Variants in MPP4 observed in about 807,000 individuals in gnomAD.
MPP4 encodes MAGUK p55 subfamily member 4.
In MPP4, 91 loss-of-function variants were observed where a neutral mutation model predicts 98.3. That is an observed-to-expected ratio of 0.93 (90% CI 0.78 to 1.10). The LOEUF (loss-of-function observed/expected upper bound fraction) is 1.10. MPP4 is among the 50% of genes least tolerant of loss of function. The probability of loss-of-function intolerance (pLI) is 0.00; values close to 1 mark genes in which losing one functional copy is unlikely to be tolerated. For synonymous variants in MPP4, 261 were observed against 271.8 expected (o/e 0.96, Z 0.39); for missense variants, 744 against 792.9 (o/e 0.94, Z 0.74).
intron 12 of MPP4, 33 bp from the exon 13 acceptor site, chr2:201,666,405 T>C (rs1688175209): frequency 6.7e-7 from 1 of 1,501,452 alleles, no homozygotes; most frequent in Non-Finnish European, 9.0e-7. Flanking sequence ...AGAAACAGAA[T>C]TTAAAATGTG....
chr2:201,649,709 A>T, intron 19 of MPP4, 25 bp from the exon 20 acceptor site: 1 of 1,523,164 alleles, frequency 6.6e-7, no homozygotes, highest in Non-Finnish European at 9.0e-7. Context: ...CAAACAAAAC[A>T]GAACACTTTC....
chr2:201,670,848 A>G (rs1250167579), intron 11 of MPP4, among the ~76,000 whole-genome samples: 1 of 152,186 alleles, frequency 6.6e-6, no homozygotes, highest in African/African-American at 2.4e-5. Context: ...TGCATTTCCA[A>G]CTAAGGTACC....
chr2:201,682,613 G>T (rs879752403), intron 8 of MPP4, among the ~76,000 whole-genome samples: 114 of 152,222 alleles, frequency 7.5e-4, no homozygotes, highest in African/African-American at 2.6e-3. Context: ...TGCTTGGGAC[G>T]GGAAGTTTCC....
At chr2:201,647,665 T>C (rs1687601220) in intron 21 of MPP4, 26 bp downstream of exon 21, 1 of 1,610,278 alleles carries the variant, frequency 6.2e-7, no homozygotes, top group South Asian at 1.1e-5. Flanking sequence ...CTGAAAGCAA[T>C]ACAGTAGTTT....
At chr2:201,679,341 C>A (rs919952683) in intron 10 of MPP4, among the ~76,000 whole-genome samples, 1 of 152,132 alleles carries the variant, frequency 6.6e-6, no homozygotes, top group African/African-American at 2.4e-5. Flanking sequence ...GCCTTTAATG[C>A]TGATCACACT....
In MPP4 at chr2:201,666,569, A is replaced by C. The variant is rs1217930882; in HGVS notation, c.1013-197T>G. 1.1e-5 allele frequency: 5 copies of C among 459,434 alleles called. No individual in the cohort carries two copies. In the Admixed American group the frequency reaches 2.2e-4, roughly 20 times the overall value. 28.5% of individuals were successfully genotyped at this position (459,434 alleles called of 1,614,324 possible). A position where few individuals can be genotyped will look rare whatever the true frequency, so the allele number is the denominator to read the frequency against. On this transcript the variant is annotated intron_variant, in intron 12 of 21. Coordinates refer to ENST00000409474, the MANE Select transcript of MPP4 (RefSeq NM_033066.3). ...AACCATGTCTCTACCAAAAAAAACA[A>C]AAATTAGTCGGGTGTGGTAGCACAT...
At chr2:201,686,314 T>C (rs180769678) in intron 5 of MPP4, among the ~76,000 whole-genome samples, 1 of 152,376 alleles carries the variant, frequency 6.6e-6, no homozygotes, top group East Asian at 1.9e-4. Flanking sequence ...CTTTCATTTC[T>C]GCTAAAATGT....
At position 201,645,093 on chromosome 2, in the gene MPP4, G is replaced by C; in HGVS notation, c.*117C>G. 2.4e-6 allele frequency: 2 copies of C among 847,002 alleles called. No homozygotes were observed. Among genetic ancestry groups the C allele is most frequent in the Admixed American group, 3.8e-5 (1 of 25,990 alleles). The allele number at this position is 847,002 out of a possible 1,614,324, so 52.5% of individuals were successfully genotyped here. Reference sequence around the variant, plus strand: ...TTCAAATAAGATTAATTAATAAATTGCTGCACTTTTAAAGTTGTACACATT... The same window carrying C: ...TTCAAATAAGATTAATTAATAAATTCCTGCACTTTTAAAGTTGTACACATT... On this transcript the variant is annotated 3_prime_UTR_variant, in exon 22 of 22. Transcript: ENST00000409474.
At chr2:201,683,174 T>C (rs1167236756) in intron 7 of MPP4, among the ~76,000 whole-genome samples, 1 of 151,986 alleles carries the variant, frequency 6.6e-6, no homozygotes, top group Non-Finnish European at 1.5e-5. Flanking sequence ...AGTCTGATGT[T>C]GTAAAATGGA....
intron 15 of MPP4, among the ~76,000 whole-genome samples, chr2:201,659,505 T>G (rs1687961937): frequency 6.6e-6 from 1 of 152,216 alleles, no homozygotes; most frequent in Non-Finnish European, 1.5e-5. Flanking sequence ...TTACTTAAGT[T>G]CCTTCTCAAA....
intron 8 of MPP4, 96 bp downstream of exon 8, chr2:201,682,735 C>T (rs1688699967): frequency 9.7e-7 from 1 of 1,034,258 alleles, no homozygotes; most frequent in Admixed American, 1.9e-5. Flanking sequence ...ACTTGAGTCC[C>T]CGGTACATCC....
Position 201,645,286 on chromosome 2 carries a change from G to T in MPP4, c.1838C>A (p.Ser613Tyr). 1 of 1,613,964 alleles carries T rather than the reference G, an allele frequency of 6.2e-7. No homozygotes were observed. Among genetic ancestry groups the T allele is most frequent in the Non-Finnish European group, 8.5e-7 (1 of 1,179,864 alleles). ...CTCCTCCTGAGCCTTCTGTATGGCA[G>T]ACAACAACTGGGCACATGCATCGTG... is the stretch of plus-strand genomic sequence containing the variant. ...SLHDACAQLL[S>Y]AIQKAQEEPQ... Residue 613 changes from serine (S) to tyrosine (Y), a missense_variant, in exon 22 of 22, where the codon TCT (serine) becomes TAT (tyrosine). Coordinates refer to ENST00000409474, the MANE Select transcript of MPP4 (RefSeq NM_033066.3).
rs750059022 is a variant in MPP4 at position 201,687,336 on chromosome 2, A to G, written c.315T>C (p.Pro105=). ...VELLRETPTS[P]EIQELRQMLQ... ...GCATTTGTCTCAGCTCTTGGATCTC[A>G]GGGGAAGTAGGGGTTTCACGTAATA... Residue 105 remains proline, a synonymous_variant, in exon 5 of 22, where the codon CCT becomes CCC. Coordinates refer to ENST00000409474, the MANE Select transcript of MPP4 (RefSeq NM_033066.3). 6.3e-7 allele frequency: 1 copy of G among 1,584,174 alleles called. No homozygotes were observed. The highest frequency in any genetic ancestry group is 1.8e-5 in the Admixed American group (1 of 56,240).
chr2:201,655,565 A>G (rs939775081), intron 17 of MPP4, among the ~76,000 whole-genome samples: 2 of 152,234 alleles, frequency 1.3e-5, no homozygotes, highest in South Asian at 2.1e-4. Context: ...TGTAAGGCAC[A>G]TCGTTCTGCT....
At chr2:201,688,406 C>T (rs916063193) in intron 4 of MPP4, among the ~76,000 whole-genome samples, 1 of 151,960 alleles carries the variant, frequency 6.6e-6, no homozygotes, top group African/African-American at 2.4e-5. Context: ...AAAAATAAAC[C>T]AGGGAAGCTG....
Position 201,675,110 on chromosome 2 carries a change from C to T in MPP4, c.994+97G>A, listed in dbSNP as rs142197563. ...AATAACAACTCCATCTCCCATGTGG[C>T]ATGGCCAGCCTCACATCAATTAGAC... On this transcript the variant is annotated intron_variant, in intron 11 of 21. Transcript: ENST00000409474. 8.0e-4 allele frequency: 1,020 copies of T among 1,278,528 alleles called. 3 individuals carry two copies. The highest frequency in any genetic ancestry group is 1.8e-3 in the South Asian group (138 of 78,424). 79.2% of individuals were successfully genotyped at this position (1,278,528 alleles called of 1,614,324 possible).
Position 201,696,317 on chromosome 2 carries a change from A to G in MPP4, c.-100-2263T>C, listed in dbSNP as rs142212875. Among the ~76,000 whole-genome samples, 47 of 152,316 alleles carry G rather than the reference A, an allele frequency of 3.1e-4. No individual in the cohort carries two copies. In the East Asian group the frequency reaches 8.7e-3, roughly 28 times the overall value. On this transcript the variant is annotated intron_variant, in intron 1 of 21. Coordinates refer to ENST00000409474, the MANE Select transcript of MPP4 (RefSeq NM_033066.3). ...TTTTGACTCTATTGAATCATTTAGC[A>G]TCACAGCTGCATATCTGACTCATCT...
chr2:201,665,644 G>T (rs1165455508), intron 13 of MPP4: 1 of 152,166 alleles, frequency 6.6e-6, no homozygotes, highest in Non-Finnish European at 1.5e-5. Flanking sequence ...TTCTGCTGTT[G>T]CTCTGGAAAA....
intron 20 of MPP4, 35 bp downstream of exon 20, chr2:201,649,541 T>C: frequency 6.8e-7 from 1 of 1,476,214 alleles, no homozygotes; most frequent in South Asian, 1.2e-5. Context: ...ACGCATTCAT[T>C]GTTTGGGGAC....
Sources: allele counts gnomAD v4.1 joint callset (sites outside exome capture counted in the v4.1 genomes callset), GRCh38; gene constraint gnomAD v4.1.1; transcripts MANE v1.5; gene names NCBI Gene and HGNC (gene_info 2026-07-23, HGNC 2026-07-21).